Variants in CNIH3 observed in about 807,000 individuals in gnomAD.
CNIH3 encodes the protein protein cornichon homolog 3.
In CNIH3, 14 loss-of-function variants were observed where a neutral mutation model predicts 24.1. The observed-to-expected ratio is 0.58, with a 90% CI of 0.38 to 0.91. CNIH3 has a LOEUF of 0.91. Among genes scored for constraint, CNIH3 ranks in the 40% least tolerant of loss-of-function variants. The pLI is 0.00. For missense variants in CNIH3, 178 were observed against 196.8 expected (o/e 0.90, Z 0.57); for synonymous variants, 68 against 73.8 (o/e 0.92, Z 0.40).
intron 3 of CNIH3, among the ~76,000 whole-genome samples, chr1:224,725,804 T>G (rs996565277): frequency 1.3e-5 from 2 of 152,156 alleles, no homozygotes; most frequent in Non-Finnish European, 2.9e-5. Flanking sequence ...ATTATTCCCT[T>G]GCTTCAACTC....
At chr1:224,489,417 G>A (rs915103901) in intron 1 of CNIH3, among the ~76,000 whole-genome samples, 1 of 152,056 alleles carries the variant, frequency 6.6e-6, no homozygotes, top group African/African-American at 2.4e-5. Flanking sequence ...ACACCAGTAA[G>A]ACTTTGGTTT....
downstream of CNIH3, among the ~76,000 whole-genome samples, chr1:224,537,966 T>A (rs1183231704): frequency 6.6e-6 from 1 of 151,996 alleles, no homozygotes; most frequent in Non-Finnish European, 1.5e-5. Context: ...TATTTTTTTT[T>A]TTGAGACAGA....
At chr1:224,554,879 G>T (rs60737124) in intron 3 of CNIH3, among the ~76,000 whole-genome samples, 2,569 of 152,268 alleles carry the variant, frequency 0.017, 61 homozygotes, top group African/African-American at 0.054. Context: ...GAGTCACTGT[G>T]CTTGGTCCAG....
At chr1:224,723,954 G>A (rs773154161) in intron 3 of CNIH3, among the ~76,000 whole-genome samples, 14 of 152,160 alleles carry the variant, frequency 9.2e-5, no homozygotes, top group South Asian at 4.2e-4. Flanking sequence ...GATGGTTCAC[G>A]CCGCTAATCC....
chr1:224,722,862 A>C (rs944966953), intron 3 of CNIH3, among the ~76,000 whole-genome samples: 2 of 152,260 alleles, frequency 1.3e-5, no homozygotes, highest in Non-Finnish European at 2.9e-5. Flanking sequence ...CTTCTCCTCC[A>C]GAAACAAGCT....
chr1:224,638,339 C>T (rs545471347), intron 1 of CNIH3, among the ~76,000 whole-genome samples: 1 of 152,242 alleles, frequency 6.6e-6, no homozygotes, highest in Non-Finnish European at 1.5e-5. Flanking sequence ...TTTGGCCCAG[C>T]GCCTGCCTCC....
chr1:224,624,186 AGTGGTCT>A (rs1279826367), intron 1 of CNIH3, among the ~76,000 whole-genome samples: 39 of 152,264 alleles, frequency 2.6e-4, no homozygotes, highest in South Asian at 6.2e-4. Flanking sequence ...TGAGGACATC[AGTGGTCT>A]GTGGCAATCT....
At position 224,574,826 on chromosome 1, in the gene CNIH3, TAATGTG is replaced by T; in HGVS notation, n.517-8337_517-8332del. ...TCCCATTGGATGAGCCAGGTAATGG[TAATGTG>T]GTTCCCAGTAACAGTAACATTCTGG... is the stretch of plus-strand genomic sequence containing the variant. On this transcript the variant is annotated intron_variant and non_coding_transcript_variant, in intron 4 of 5. Transcript: ENST00000471578. 7.5e-6 allele frequency: 7 copies of T among 931,576 alleles called. No individual in the cohort carries two copies. In the South Asian group the frequency reaches 7.7e-5, roughly 10 times the overall value. The allele number at this position is 931,576 out of a possible 1,614,324, so 57.7% of individuals were successfully genotyped here.
At chr1:224,629,031 G>A (rs1030563181) in intron 1 of CNIH3, among the ~76,000 whole-genome samples, 1 of 150,666 alleles carries the variant, frequency 6.6e-6, no homozygotes, top group African/African-American at 2.4e-5. Flanking sequence ...CCCCGAGACA[G>A]AATCTTGCTC....
chr1:224,444,834 G>A (rs1334570759), intron 1 of CNIH3, among the ~76,000 whole-genome samples: 1 of 150,696 alleles, frequency 6.6e-6, no homozygotes, highest in Non-Finnish European at 1.5e-5. Context: ...TAGTATAGAT[G>A]AGGTTTCACC....
chr1:224,735,457 C>T (rs376834723), intron 5 of CNIH3, among the ~76,000 whole-genome samples: 2 of 152,086 alleles, frequency 1.3e-5, no homozygotes, highest in African/African-American at 2.4e-5. Flanking sequence ...CTGTCACTTG[C>T]GATTCCATCA....
chr1:224,732,881 T>C (rs905865258), intron 4 of CNIH3, among the ~76,000 whole-genome samples: 26 of 152,014 alleles, frequency 1.7e-4, no homozygotes, highest in Non-Finnish European at 2.9e-4. Flanking sequence ...TTGTCTTACC[T>C]TTTTTTTGAA....
chr1:224,544,419 A>G (rs952309058), intron 2 of CNIH3, among the ~76,000 whole-genome samples: 3 of 152,176 alleles, frequency 2.0e-5, no homozygotes, highest in African/African-American at 7.2e-5. Flanking sequence ...TCAGATAATC[A>G]ATCCCAGATC....
At chr1:224,739,297 T>A in intron 5 of CNIH3, 32 bp from the exon 6 acceptor site, 2 of 117,754 alleles carry the variant, frequency 1.7e-5, no homozygotes, top group Non-Finnish European at 2.7e-5. Context: ...CTTCCTCTCT[T>A]TTTTTTTTTT....
chr1:224,476,304 A>ATAATACATC (rs758979197), intron 1 of CNIH3, among the ~76,000 whole-genome samples: 2 of 152,230 alleles, frequency 1.3e-5, no homozygotes, highest in African/African-American at 4.8e-5. Flanking sequence ...TTGTTTGCAG[A>ATAATACATC]TAATACATCT....
intron 1 of CNIH3, among the ~76,000 whole-genome samples, chr1:224,660,917 G>A (rs1189854919): frequency 6.6e-6 from 1 of 152,114 alleles, no homozygotes; most frequent in African/African-American, 2.4e-5. Flanking sequence ...GCTCACCTTG[G>A]AGTATGTTTA....
intron 4 of CNIH3, chr1:224,575,344 G>A: frequency 9.6e-7 from 1 of 1,037,150 alleles, no homozygotes; most frequent in Non-Finnish European, 1.5e-6. Context: ...GTGCCTTGGT[G>A]AGCTGTGCCT....
At chr1:224,507,415 G>A (rs184971628) in intron 1 of CNIH3, among the ~76,000 whole-genome samples, 102 of 152,184 alleles carry the variant, frequency 6.7e-4, no homozygotes, top group South Asian at 1.9e-3. Context: ...CTATGTTCTG[G>A]GGTTTGTTCT....
intron 1 of CNIH3, among the ~76,000 whole-genome samples, chr1:224,454,650 C>T (rs991000839): frequency 2.0e-5 from 3 of 152,150 alleles, no homozygotes; most frequent in South Asian, 2.1e-4. Context: ...CACCCAAGCT[C>T]GTGACTGGCT....
Sources: allele counts gnomAD v4.1 joint callset (sites outside exome capture counted in the v4.1 genomes callset), GRCh38; gene constraint gnomAD v4.1.1; transcripts MANE v1.5; gene names NCBI Gene and HGNC (gene_info 2026-07-23, HGNC 2026-07-21).